C6orf89: variants seen among roughly 807,000 people sequenced by gnomAD.
The protein encoded by C6orf89 is bombesin receptor-activated protein C6orf89.
In C6orf89, 29 loss-of-function variants were observed where a neutral mutation model predicts 40.7. The observed-to-expected ratio is 0.71, with a 90% CI of 0.53 to 0.97. The LOEUF is 0.97. Ranked by LOEUF, C6orf89 falls within the 50% of genes least tolerant of loss-of-function variation. The probability of loss-of-function intolerance (pLI) is 0.00; values close to 1 mark genes in which losing one functional copy is unlikely to be tolerated. For synonymous variants in C6orf89, 165 were observed against 152.2 expected (o/e 1.08, Z -0.62); for missense variants, 392 against 429.1 (o/e 0.91, Z 0.76).
At chr6:36,876,340 C>A (rs1479447557) in intron 1 of C6orf89, among the ~76,000 whole-genome samples, 1 of 152,184 alleles carries the variant, frequency 6.6e-6, no homozygotes, top group Non-Finnish European at 1.5e-5. Context: ...GTCTCACACA[C>A]ACAGTGCCCT....
At chr6:36,919,982 A>G (rs766447391) in intron 8 of C6orf89, among the ~76,000 whole-genome samples, 1 of 152,198 alleles carries the variant, frequency 6.6e-6, no homozygotes, top group African/African-American at 2.4e-5. Context: ...ATTTAGACCA[A>G]TCCCTCGTTT....
chr6:36,874,152 A>G (rs1435726372), intron 1 of C6orf89, among the ~76,000 whole-genome samples: 1 of 152,224 alleles, frequency 6.6e-6, no homozygotes, highest in African/African-American at 2.4e-5. Context: ...AGAAAGTTAA[A>G]TAATACCTTC....
upstream of C6orf89, among the ~76,000 whole-genome samples, chr6:36,881,898 T>C (rs1774822745): frequency 6.6e-6 from 1 of 152,188 alleles, no homozygotes; most frequent in South Asian, 2.1e-4. Flanking sequence ...TCAAACTAAT[T>C]AAAACTGAAT....
chr6:36,891,435 A>G (rs112013798), intron 1 of C6orf89, among the ~76,000 whole-genome samples: 2,234 of 152,300 alleles, frequency 0.015, 57 homozygotes, highest in African/African-American at 0.046. Flanking sequence ...GCTATTTGTG[A>G]ATAGTGCCAC....
At chr6:36,913,647 C>T (rs1305615271) in intron 4 of C6orf89, among the ~76,000 whole-genome samples, 2 of 152,210 alleles carry the variant, frequency 1.3e-5, no homozygotes, top group Non-Finnish European at 2.9e-5. Flanking sequence ...ATCTTTAGCT[C>T]CACATTGCTG....
rs1247497473 is a variant in C6orf89 at position 36,928,061 on chromosome 6, A to G, written c.*4620A>G. ...CTGCATAATTTAAGCATTAGTGCCA[A>G]ATACATCTGTCATATTCCTCTCCCT... On this transcript the variant is annotated 3_prime_UTR_variant, in exon 9 of 9. Transcript: ENST00000480824. 6.6e-6 allele frequency: 1 copy of G among 152,222 alleles called. No homozygotes were observed. The highest frequency in any genetic ancestry group is 1.5e-5 in the Non-Finnish European group (1 of 68,048). The allele number at this position is 152,222 out of a possible 1,614,324, so 9.4% of individuals were successfully genotyped here. A position where few individuals can be genotyped will look rare whatever the true frequency, so the allele number is the denominator to read the frequency against.
chr6:36,908,383 G>T (rs747990673), intron 4 of C6orf89, among the ~76,000 whole-genome samples: 39 of 152,020 alleles, frequency 2.6e-4, no homozygotes, highest in Admixed American at 1.1e-3. Flanking sequence ...TGATCTCCAA[G>T]GACATTTTGA....
chr6:36,881,369 G>C (rs1006930793), upstream of C6orf89, among the ~76,000 whole-genome samples: 4 of 152,170 alleles, frequency 2.6e-5, no homozygotes, highest in Non-Finnish European at 5.9e-5. Flanking sequence ...GTTGTGGAAG[G>C]TTTATAAAAA....
At chr6:36,901,229 G>T (rs943249179) in intron 3 of C6orf89, among the ~76,000 whole-genome samples, 2 of 148,948 alleles carry the variant, frequency 1.3e-5, no homozygotes, top group East Asian at 2.0e-4. Flanking sequence ...TGATACACCC[G>T]CCTTGGCCTC....
At chr6:36,911,930 AC>A (rs532436687) in intron 4 of C6orf89, among the ~76,000 whole-genome samples, 26,080 of 91,434 alleles carry the variant, frequency 0.29, 3,338 homozygotes, top group East Asian at 0.33. Flanking sequence ...ATCACAGTGA[AC>A]CCCCCCCCCC....
At chr6:36,892,575 C>G (rs1220247131) in intron 1 of C6orf89, among the ~76,000 whole-genome samples, 1 of 152,168 alleles carries the variant, frequency 6.6e-6, no homozygotes, top group African/African-American at 2.4e-5. Context: ...GCAGAATTAC[C>G]CTGAGAACTA....
At chr6:36,913,381 A>G (rs1336861917) in intron 4 of C6orf89, among the ~76,000 whole-genome samples, 3 of 152,182 alleles carry the variant, frequency 2.0e-5, no homozygotes, top group African/African-American at 7.2e-5. Context: ...CTTTATTCCA[A>G]AGATGGCTCC....
rs1762319647 is a variant in C6orf89 at position 36,916,320 on chromosome 6, A to G, written c.696-125A>G. 12 of 999,952 alleles carry G rather than the reference A, an allele frequency of 1.2e-5. No homozygotes were observed. The South Asian group carries it at 1.8e-4, about 15-fold the overall frequency. The allele number at this position is 999,952 out of a possible 1,614,324, so 61.9% of individuals were successfully genotyped here. A position where few individuals can be genotyped will look rare whatever the true frequency, so the allele number is the denominator to read the frequency against. ...TCTTCAGGGACCTAGTACTTAAGAT[A>G]CTGTACTCATATTTTTCCCTCTTTA... On this transcript the variant is annotated intron_variant, in intron 6 of 8. Transcript: ENST00000480824.
At chr6:36,920,939 C>T (rs574016076) in intron 8 of C6orf89, among the ~76,000 whole-genome samples, 11 of 151,466 alleles carry the variant, frequency 7.3e-5, no homozygotes, top group African/African-American at 1.5e-4. Context: ...CCGGCTCCCA[C>T]GAGCAACCGG....
At chr6:36,885,369 T>C (rs1774936215), upstream of C6orf89, among the ~76,000 whole-genome samples, 2 of 152,258 alleles carry the variant, frequency 1.3e-5, no homozygotes, top group Non-Finnish European at 2.9e-5. Flanking sequence ...AAATTTGTTC[T>C]GACCATGAGG....
At chr6:36,898,964 A>C (rs1460349706) in intron 2 of C6orf89, among the ~76,000 whole-genome samples, 2 of 152,188 alleles carry the variant, frequency 1.3e-5, no homozygotes, top group African/African-American at 4.8e-5. Context: ...ACCTTCAGTA[A>C]TCTTCAGTGA....
intron 4 of C6orf89, among the ~76,000 whole-genome samples, chr6:36,906,357 A>G (rs1279668616): frequency 1.3e-5 from 2 of 152,224 alleles, no homozygotes; most frequent in African/African-American, 4.8e-5. Context: ...TATACCAGGT[A>G]CTGTGCCGTG....
chr6:36,907,448 G>A (rs376003475), intron 4 of C6orf89, among the ~76,000 whole-genome samples: 1 of 152,148 alleles, frequency 6.6e-6, no homozygotes, highest in South Asian at 2.1e-4. Context: ...CTCCCTGATG[G>A]GTGAGACGCT....
chr6:36,890,969 CTTA>C (rs1019962304), intron 1 of C6orf89, among the ~76,000 whole-genome samples: 4 of 151,382 alleles, frequency 2.6e-5, no homozygotes, highest in African/African-American at 7.3e-5. Flanking sequence ...TGTAGTGGTT[CTTA>C]TTATAATCTA....
Sources: gnomAD v4.1 joint callset for allele counts (sites outside exome capture counted in the v4.1 genomes callset) on GRCh38, gnomAD v4.1.1 for gene constraint, MANE v1.5 for transcripts, NCBI Gene and HGNC (gene_info 2026-07-23, HGNC 2026-07-21) for gene names.